The following TMEM161B variants were observed in gnomAD, a reference collection of about 807,000 sequenced individuals.
TMEM161B encodes transmembrane protein 161B.
A neutral mutation model predicts 61.8 loss-of-function variants in TMEM161B; 34 were observed. The observed-to-expected ratio is 0.55, with a 90% CI of 0.42 to 0.73. TMEM161B has a LOEUF of 0.73. TMEM161B is among the 30% of genes least tolerant of loss of function. The pLI, the probability that TMEM161B is intolerant of heterozygous loss-of-function variation, is 0.00. For synonymous variants in TMEM161B, 167 were observed against 192.8 expected (o/e 0.87, Z 1.11); for missense variants, 456 against 558.5 (o/e 0.82, Z 1.85).
chr5:88,196,673 T>C (rs1044698694), intron 11 of TMEM161B, among the ~76,000 whole-genome samples, 185 bp from the exon 12 acceptor site: 6 of 152,048 alleles, frequency 3.9e-5, no homozygotes, highest in African/African-American at 1.4e-4. Context: ...GACTAGAGAC[T>C]ATCTGGCCTC....
At chr5:88,236,072 C>A (rs1469265729) in intron 2 of TMEM161B, among the ~76,000 whole-genome samples, 3 of 152,168 alleles carry the variant, frequency 2.0e-5, no homozygotes, top group Admixed American at 6.5e-5. Flanking sequence ...TCAAAGGGAA[C>A]TTGCAGATTA....
At position 88,243,214 on chromosome 5, in the gene TMEM161B, T is replaced by C. The variant is rs187959607; in HGVS notation, c.4-2298A>G. Reference sequence around the variant, plus strand: ...GGTAATGAGCATAGTACCTGATAGGTAGTTTTTCAGTCATCACCCTCCTCC... The same window carrying C: ...GGTAATGAGCATAGTACCTGATAGGCAGTTTTTCAGTCATCACCCTCCTCC... On this transcript the variant is annotated intron_variant, in intron 1 of 11. Coordinates refer to ENST00000296595, the MANE Select transcript of TMEM161B (RefSeq NM_153354.5). Among the ~76,000 whole-genome samples, 62 of 151,864 alleles carry C rather than the reference T, an allele frequency of 4.1e-4. No homozygotes were observed. The East Asian group carries it at 9.9e-3, about 24-fold the overall frequency.
intron 4 of TMEM161B, chr5:88,221,501 G>C: frequency 3.5e-6 from 1 of 286,374 alleles, no homozygotes; most frequent in Non-Finnish European, 7.0e-6. Context: ...TCCATCTCAA[G>C]AAAAATAAAA....
chr5:88,254,850 ATT>A (rs1312687588), intron 1 of TMEM161B, among the ~76,000 whole-genome samples: 1 of 151,880 alleles, frequency 6.6e-6, no homozygotes, highest in East Asian at 1.9e-4. Context: ...TGTAAAAAAA[ATT>A]TTAAGGGAAA....
In TMEM161B at chr5:88,220,548, T is replaced by A. The variant is rs1748721126; in HGVS notation, c.446+15A>T. 6.6e-7 allele frequency: 1 copy of A among 1,524,348 alleles called. No homozygotes were observed. Among genetic ancestry groups the A allele is most frequent in the Non-Finnish European group, 8.7e-7 (1 of 1,142,958 alleles). 94.4% of individuals were successfully genotyped at this position (1,524,348 alleles called of 1,614,324 possible). On this transcript the variant is annotated intron_variant, in intron 5 of 11. Coordinates refer to ENST00000296595, the MANE Select transcript of TMEM161B (RefSeq NM_153354.5). Reference sequence around the variant, plus strand: ...CTGCAAAATAAATTAATATTAATGATGTTTTGAAGGATACATTGCAAAAGA... The same window carrying A: ...CTGCAAAATAAATTAATATTAATGAAGTTTTGAAGGATACATTGCAAAAGA...
At chr5:88,227,511 G>T (rs990023269) in intron 3 of TMEM161B, among the ~76,000 whole-genome samples, 2 of 152,136 alleles carry the variant, frequency 1.3e-5, no homozygotes, top group African/African-American at 4.8e-5. Context: ...AAGAAGGAAG[G>T]TTTACTATTA....
downstream of TMEM161B, among the ~76,000 whole-genome samples, chr5:88,192,020 ATATATATG>A (rs1331985165): frequency 3.8e-5 from 3 of 78,926 alleles, no homozygotes; most frequent in Admixed American, 1.3e-4. Flanking sequence ...ATATATATAT[ATATATATG>A]TATATAGCCA....
rs563438882 is a variant in TMEM161B, at chr5:88,235,373, G to A, written c.107+5440C>T. Among the ~76,000 whole-genome samples, 436 of 152,266 alleles carry A rather than the reference G, an allele frequency of 2.9e-3. 1 individual carries two copies. The highest frequency in any genetic ancestry group is 6.8e-3 in the Middle Eastern group (2 of 292). On this transcript the variant is annotated intron_variant, in intron 2 of 11. Coordinates refer to ENST00000296595, the MANE Select transcript of TMEM161B (RefSeq NM_153354.5). The stretch of plus-strand genomic sequence containing the variant: ...TTCATGATATACAACATAGGTCACT[G>A]CTATAGACTGAATGTTTATGGTCCC...
rs1441420389 is a variant in TMEM161B, at chr5:88,212,415, T to C, written c.447-5235A>G. ...TCAGGAGGAAGTATTTTAAATATTTTTACCTTCAAGCTGAAGATAAGCTTC... is the reference window on the plus strand; with the variant it reads ...TCAGGAGGAAGTATTTTAAATATTTCTACCTTCAAGCTGAAGATAAGCTTC... On this transcript the variant is annotated intron_variant, in intron 5 of 11. Transcript: ENST00000296595. Among the ~76,000 whole-genome samples the C allele has an allele frequency of 2.6e-5, 4 of 152,274 alleles. 1 individual carries two copies. In the East Asian group the frequency reaches 7.7e-4, roughly 29 times the overall value.
intron 10 of TMEM161B, 192 bp downstream of exon 10, chr5:88,198,783 AG>A (rs1352742491): frequency 1.8e-6 from 1 of 549,020 alleles, no homozygotes; most frequent in Non-Finnish European, 3.1e-6. Flanking sequence ...AGGCAGGAAG[AG>A]GAATTAAGAC....
chr5:88,217,614 A>G (rs911127640), intron 5 of TMEM161B, among the ~76,000 whole-genome samples: 7 of 152,116 alleles, frequency 4.6e-5, no homozygotes, highest in African/African-American at 1.7e-4. Context: ...GGTATTAGAA[A>G]TAAGTACTAA....
intron 10 of TMEM161B, 51 bp from the exon 11 acceptor site, chr5:88,197,816 TG>T (rs1749945247): frequency 1.4e-6 from 2 of 1,467,014 alleles, no homozygotes; most frequent in Non-Finnish European, 1.9e-6. Flanking sequence ...ATGTTAGGAG[TG>T]AATTAAACTT....
intron 1 of TMEM161B, among the ~76,000 whole-genome samples, chr5:88,256,947 C>A (rs1490146940): frequency 6.6e-6 from 1 of 152,222 alleles, no homozygotes; most frequent in Non-Finnish European, 1.5e-5. Context: ...AAGACAATCT[C>A]CTCATTTTAA....
chr5:88,211,367 T>C (rs1486252628), intron 5 of TMEM161B, among the ~76,000 whole-genome samples: 1 of 150,716 alleles, frequency 6.6e-6, no homozygotes, highest in Non-Finnish European at 1.5e-5. Context: ...CAGGATGCTA[T>C]GAAAAATGAA....
chr5:88,238,640 T>C (rs543174774), intron 2 of TMEM161B, among the ~76,000 whole-genome samples: 1 of 152,172 alleles, frequency 6.6e-6, no homozygotes, highest in East Asian at 1.9e-4. Flanking sequence ...CCCAACTGCA[T>C]CATATGATTT....
intron 1 of TMEM161B, among the ~76,000 whole-genome samples, chr5:88,254,180 A>C (rs1754684897): frequency 6.6e-6 from 1 of 152,140 alleles, no homozygotes; most frequent in Non-Finnish European, 1.5e-5. Context: ...ATCCTACTGA[A>C]TTGAAAGCAC....
At chr5:88,202,554 G>C (rs1276524741) in intron 9 of TMEM161B, 1 of 183,202 alleles carries the variant, frequency 5.5e-6, no homozygotes, top group East Asian at 1.7e-4. Flanking sequence ...AAGCAAATAT[G>C]GAAAATGTTA....
intron 5 of TMEM161B, among the ~76,000 whole-genome samples, chr5:88,218,219 C>T (rs573196898): frequency 6.6e-6 from 1 of 151,960 alleles, no homozygotes; most frequent in East Asian, 1.9e-4. Context: ...ATAAGCATTC[C>T]AGAAAGAGAG....
intron 1 of TMEM161B, among the ~76,000 whole-genome samples, chr5:88,254,685 C>CA (rs1457822919): frequency 1.3e-5 from 2 of 151,618 alleles, no homozygotes; most frequent in Non-Finnish European, 2.9e-5. Flanking sequence ...AAAGTAAAAA[C>CA]AAAAAAATTA....
Sources: allele counts gnomAD v4.1 joint callset (sites outside exome capture counted in the v4.1 genomes callset), GRCh38; gene constraint gnomAD v4.1.1; transcripts MANE v1.5; gene names NCBI Gene and HGNC (gene_info 2026-07-23, HGNC 2026-07-21).